The following RMST variants were observed in gnomAD, a reference collection of about 807,000 sequenced individuals.
RMST encodes the protein long intergenic non-protein coding RNA 54.
chr12:97,545,960 A>G (rs1475110554), intron 11 of RMST, among the ~76,000 whole-genome samples: 1 of 152,154 alleles, frequency 6.6e-6, no homozygotes, highest in South Asian at 2.1e-4. Flanking sequence ...CAAGTGACAT[A>G]AACACTTCAG....
At chr12:97,536,305 T>C (rs562014392) in intron 11 of RMST, among the ~76,000 whole-genome samples, 1 of 138,644 alleles carries the variant, frequency 7.2e-6, no homozygotes, top group Non-Finnish European at 1.5e-5. Context: ...TGCAAAATAA[T>C]TGAAAAAAAA....
chr12:97,473,392 G>A (rs1465027757), intron 5 of RMST, among the ~76,000 whole-genome samples: 1 of 152,042 alleles, frequency 6.6e-6, no homozygotes, highest in East Asian at 1.9e-4. Context: ...TCGAAGGCTG[G>A]GGGCTTGGTG....
intron 10 of RMST, among the ~76,000 whole-genome samples, chr12:97,518,356 G>T (rs1363780755): frequency 1.3e-5 from 2 of 152,126 alleles, no homozygotes; most frequent in Non-Finnish European, 2.9e-5. Context: ...TAAAAATTCT[G>T]ATTTGAACTT....
intron 5 of RMST, among the ~76,000 whole-genome samples, chr12:97,473,288 A>C (rs145072898): frequency 3.7e-4 from 56 of 152,270 alleles, no homozygotes; most frequent in African/African-American, 1.3e-3. Context: ...TAAAAAATGT[A>C]ACTATGTCAT....
intron 5 of RMST, among the ~76,000 whole-genome samples, chr12:97,486,453 A>G (rs914121882): frequency 2.6e-5 from 4 of 152,236 alleles, no homozygotes; most frequent in Non-Finnish European, 4.4e-5. Flanking sequence ...ATTTGTAAGA[A>G]ACAAACGATG....
intron 4 of RMST, among the ~76,000 whole-genome samples, chr12:97,463,946 A>G (rs1431144581): frequency 6.6e-6 from 1 of 152,172 alleles, no homozygotes; most frequent in Non-Finnish European, 1.5e-5. Flanking sequence ...GTGTAGAGAT[A>G]TTACTAAAAC....
intron 11 of RMST, chr12:97,533,454 C>G (rs548757836): frequency 1.3e-5 from 2 of 151,942 alleles, no homozygotes; most frequent in Admixed American, 6.6e-5. Flanking sequence ...TCTCCATGAT[C>G]TCTGGCAGTT....
chr12:97,517,609 C>A (rs1880063540), intron 10 of RMST, among the ~76,000 whole-genome samples: 1 of 151,718 alleles, frequency 6.6e-6, no homozygotes, highest in African/African-American at 2.4e-5. Flanking sequence ...GAGCATTATC[C>A]CACAATAACA....
intron 5 of RMST, among the ~76,000 whole-genome samples, chr12:97,467,893 T>C (rs1246949489): frequency 6.6e-6 from 1 of 152,046 alleles, no homozygotes; most frequent in African/African-American, 2.4e-5. Flanking sequence ...CTTTGGTATG[T>C]TCATGGGATT....
intron 10 of RMST, among the ~76,000 whole-genome samples, chr12:97,525,647 C>T (rs745535618): frequency 1.3e-5 from 2 of 152,102 alleles, no homozygotes; most frequent in Admixed American, 6.6e-5. Context: ...GAAATATCCT[C>T]CAAATACCTC....
intron 10 of RMST, among the ~76,000 whole-genome samples, chr12:97,522,421 G>A (rs940633204): frequency 6.6e-6 from 1 of 152,248 alleles, no homozygotes; most frequent in Non-Finnish European, 1.5e-5. Context: ...CACATAGGCC[G>A]TGTGGGTTGA....
At chr12:97,489,378 T>C (rs1876499075) in intron 5 of RMST, among the ~76,000 whole-genome samples, 2 of 151,834 alleles carry the variant, frequency 1.3e-5, no homozygotes, top group South Asian at 4.2e-4. Flanking sequence ...GCCCAGGAGA[T>C]TAAGGCTGCA....
intron 11 of RMST, among the ~76,000 whole-genome samples, chr12:97,544,527 A>G (rs1216054909): frequency 1.3e-5 from 2 of 152,068 alleles, no homozygotes; most frequent in African/African-American, 2.4e-5. Context: ...CTTCAGAAGA[A>G]TGGCACAATT....
intron 11 of RMST, among the ~76,000 whole-genome samples, chr12:97,541,961 C>T (rs1366987582): frequency 1.3e-5 from 2 of 151,898 alleles, no homozygotes; most frequent in Non-Finnish European, 2.9e-5. Context: ...ATAATAATTA[C>T]TATATGCTTA....
intron 5 of RMST, among the ~76,000 whole-genome samples, chr12:97,478,198 T>C (rs1874790933): frequency 6.6e-6 from 1 of 152,228 alleles, no homozygotes; most frequent in African/African-American, 2.4e-5. Flanking sequence ...AATGGAAGGC[T>C]CTTTGTATAG....
At chr12:97,501,169 G>A (rs988002256) in intron 10 of RMST, among the ~76,000 whole-genome samples, 1 of 152,160 alleles carries the variant, frequency 6.6e-6, no homozygotes, top group African/African-American at 2.4e-5. Flanking sequence ...TTCATTAGCA[G>A]AAGTCTTGTA....
intron 10 of RMST, among the ~76,000 whole-genome samples, chr12:97,517,103 C>T (rs964917355): frequency 6.6e-6 from 1 of 151,854 alleles, no homozygotes; most frequent in African/African-American, 2.4e-5. Context: ...CTCCTCTTAT[C>T]AGATGGAAAG....
At chr12:97,526,753 A>G (rs1190696476) in intron 10 of RMST, among the ~76,000 whole-genome samples, 2 of 152,188 alleles carry the variant, frequency 1.3e-5, no homozygotes, top group African/African-American at 4.8e-5. Flanking sequence ...TGAGAAAGCT[A>G]GGATAGGAAT....
chr12:97,508,898 T>C (rs1878990648), intron 10 of RMST, among the ~76,000 whole-genome samples: 1 of 152,214 alleles, frequency 6.6e-6, no homozygotes, highest in African/African-American at 2.4e-5. Flanking sequence ...CGTGGAGGTT[T>C]AGGCAGAAAG....
Sources: gnomAD v4.1 joint callset for allele counts (sites outside exome capture counted in the v4.1 genomes callset) on GRCh38, gnomAD v4.1.1 for gene constraint, MANE v1.5 for transcripts, NCBI Gene and HGNC (gene_info 2026-07-23, HGNC 2026-07-21) for gene names.